Variants in EEPD1 observed in about 807,000 individuals in gnomAD.
The protein encoded by EEPD1 is endonuclease/exonuclease/phosphatase family domain containing 1.
EEPD1 carries 17 observed loss-of-function variants against 46.3 expected under a neutral mutation model. The ratio of observed to expected loss-of-function variants is 0.37; its 90% CI spans 0.25 to 0.55. The LOEUF (loss-of-function observed/expected upper bound fraction) is 0.55, where lower values mean the gene tolerates loss of function less well. EEPD1 is among the 20% of genes least tolerant of loss of function. The pLI, the probability that EEPD1 is intolerant of heterozygous loss-of-function variation, is 0.83. For missense variants in EEPD1, 673 were observed against 745.6 expected (o/e 0.90, Z 1.13); for synonymous variants, 313 against 315.6 (o/e 0.99, Z 0.09).
At chr7:36,168,762 A>C (rs1785031739) in intron 2 of EEPD1, among the ~76,000 whole-genome samples, 1 of 151,264 alleles carries the variant, frequency 6.6e-6, no homozygotes, top group Admixed American at 6.6e-5. Flanking sequence ...TGTCTCAAAA[A>C]AAAAAAAAGG....
At chr7:36,199,608 T>C (rs1226676115) in intron 2 of EEPD1, among the ~76,000 whole-genome samples, 1 of 152,186 alleles carries the variant, frequency 6.6e-6, no homozygotes, top group Non-Finnish European at 1.5e-5. Flanking sequence ...GAGCACAGAC[T>C]GCCTGACTTC....
chr7:36,231,066 A>T (rs966652943), intron 2 of EEPD1: 32 of 152,182 alleles, frequency 2.1e-4, no homozygotes, highest in African/African-American at 7.7e-4. Flanking sequence ...TTTATCCTTT[A>T]AGTGCTTTTG....
At chr7:36,245,516 G>A (rs1786626068) in intron 3 of EEPD1, among the ~76,000 whole-genome samples, 1 of 152,138 alleles carries the variant, frequency 6.6e-6, no homozygotes, top group Admixed American at 6.6e-5. Context: ...TCTTCATTTA[G>A]GTGCAGTAGA....
chr7:36,179,721 AAG>A (rs59034778), intron 2 of EEPD1, among the ~76,000 whole-genome samples: 148 of 138,740 alleles, frequency 1.1e-3, no homozygotes, highest in Middle Eastern at 3.9e-3. Context: ...AAAAAAAAAA[AAG>A]TTTTCTGGGC....
intron 3 of EEPD1, among the ~76,000 whole-genome samples, chr7:36,270,331 T>C (rs371819235): frequency 6.6e-6 from 1 of 152,162 alleles, no homozygotes; most frequent in African/African-American, 2.4e-5. Flanking sequence ...TATTATACTT[T>C]AAGTTCTGGG....
chr7:36,285,738 CTTGAACCTG>C, intron 5 of EEPD1, among the ~76,000 whole-genome samples: 1 of 152,172 alleles, frequency 6.6e-6, no homozygotes, highest in African/African-American at 2.4e-5. Flanking sequence ...CAGAGCAGTT[CTTGAACCTG>C]ACAGTCACCT....
intron 2 of EEPD1, among the ~76,000 whole-genome samples, chr7:36,227,306 C>T (rs1056955870): frequency 1.3e-5 from 2 of 152,184 alleles, no homozygotes; most frequent in African/African-American, 4.8e-5. Context: ...CTTTCAAACC[C>T]GCTAAGAACA....
At chr7:36,197,405 G>C (rs1785624017) in intron 2 of EEPD1, among the ~76,000 whole-genome samples, 1 of 152,234 alleles carries the variant, frequency 6.6e-6, no homozygotes, top group Non-Finnish European at 1.5e-5. Flanking sequence ...CACCCCGTCT[G>C]GGAGGTGTAC....
At chr7:36,289,251 A>G (rs976187353) in intron 6 of EEPD1, among the ~76,000 whole-genome samples, 1 of 152,204 alleles carries the variant, frequency 6.6e-6, no homozygotes, top group Non-Finnish European at 1.5e-5. Context: ...ACATTGTTGT[A>G]CAAACATTAC....
At chr7:36,191,627 A>G (rs1341947479) in intron 2 of EEPD1, among the ~76,000 whole-genome samples, 1 of 152,222 alleles carries the variant, frequency 6.6e-6, no homozygotes, top group African/African-American at 2.4e-5. Context: ...CCCACACAGA[A>G]GAAGAGAGAA....
At chr7:36,171,234 G>A (rs2700919) in intron 2 of EEPD1, among the ~76,000 whole-genome samples, 115,190 of 152,108 alleles carry the variant, frequency 0.76, 44,073 homozygotes, top group Middle Eastern at 0.81. Context: ...CATGCTTCAT[G>A]TTTTTCAGGT....
chr7:36,295,980 G>A (rs1260975969), intron 6 of EEPD1, among the ~76,000 whole-genome samples: 7 of 134,094 alleles, frequency 5.2e-5, no homozygotes, highest in South Asian at 2.4e-4. Flanking sequence ...GTAGTGAGCC[G>A]AGATTGTGCC....
chr7:36,235,121 A>G (rs1356285468), intron 2 of EEPD1, among the ~76,000 whole-genome samples: 1 of 144,494 alleles, frequency 6.9e-6, no homozygotes, highest in Non-Finnish European at 1.5e-5. Context: ...CACAGCCTCC[A>G]GCCCAGGCCT....
At chr7:36,275,308 A>G (rs1406165489) in intron 3 of EEPD1, among the ~76,000 whole-genome samples, 1 of 152,176 alleles carries the variant, frequency 6.6e-6, no homozygotes, top group Non-Finnish European at 1.5e-5. Context: ...TTAGCAACAC[A>G]TCTTTATAAA....
chr7:36,277,298 CT>C (rs1387550854), intron 3 of EEPD1, among the ~76,000 whole-genome samples: 2 of 152,220 alleles, frequency 1.3e-5, no homozygotes, highest in Non-Finnish European at 2.9e-5. Context: ...TGGGCTTAAC[CT>C]TTCTGTGCAG....
intron 2 of EEPD1, among the ~76,000 whole-genome samples, chr7:36,172,629 T>G (rs929316825): frequency 2.7e-5 from 4 of 150,782 alleles, no homozygotes; most frequent in East Asian, 1.9e-4. Context: ...TTTTTTTTTT[T>G]TTTTTTTTTT....
At chr7:36,170,388 G>A (rs1161132691) in intron 2 of EEPD1, among the ~76,000 whole-genome samples, 2 of 151,882 alleles carry the variant, frequency 1.3e-5, no homozygotes, top group African/African-American at 4.8e-5. Flanking sequence ...CAGCCTGGGT[G>A]ACAGAGTAAG....
rs967251390 is a variant in EEPD1, at chr7:36,301,408, T to C, written c.*2202T>C. The C allele has an allele frequency of 6.6e-6, 1 of 152,260 alleles. No homozygotes were observed. Among genetic ancestry groups the C allele is most frequent in the Non-Finnish European group, 1.5e-5 (1 of 68,050 alleles). The allele number at this position is 152,260 out of a possible 1,614,324, so 9.4% of individuals were successfully genotyped here. ...CAAAGGGATTCCCATATCCCTCCTC[T>C]TCTTTGCATATTTCCCCCTCTAATT... On this transcript the variant is annotated 3_prime_UTR_variant, in exon 8 of 8. Transcript: ENST00000242108.
At chr7:36,202,803 G>A (rs1785736126) in intron 2 of EEPD1, among the ~76,000 whole-genome samples, 1 of 152,140 alleles carries the variant, frequency 6.6e-6, no homozygotes, top group South Asian at 2.1e-4. Flanking sequence ...GGCTAATGTG[G>A]CCCAAGGTCA....
Sources: allele counts gnomAD v4.1 joint callset (sites outside exome capture counted in the v4.1 genomes callset), GRCh38; gene constraint gnomAD v4.1.1; transcripts MANE v1.5; gene names NCBI Gene and HGNC (gene_info 2026-07-23, HGNC 2026-07-21).